HSD17B11: variants seen among roughly 807,000 people sequenced by gnomAD.
HSD17B11 encodes estradiol 17-beta-dehydrogenase 11.
In HSD17B11, 22 loss-of-function variants were observed where a neutral mutation model predicts 27.8. The observed-to-expected ratio is 0.79, with a 90% CI of 0.56 to 1.13. The LOEUF (loss-of-function observed/expected upper bound fraction) is 1.13. Among genes scored for constraint, HSD17B11 ranks in the 50% most tolerant of loss-of-function variants. The probability of loss-of-function intolerance (pLI) is 0.00; values close to 1 mark genes in which losing one functional copy is unlikely to be tolerated. For synonymous variants in HSD17B11, 117 were observed against 132.8 expected, an observed-to-expected ratio of 0.88 and a Z score of 0.82; for missense variants, 314 against 351.1, an observed-to-expected ratio of 0.89 and a Z score of 0.84.
chr4:87,341,392 G>A (rs1192623520), intron 5 of HSD17B11, among the ~76,000 whole-genome samples: 1 of 152,116 alleles, frequency 6.6e-6, no homozygotes, highest in East Asian at 1.9e-4. Flanking sequence ...GGCTGGTCTT[G>A]AACTCCTGGA....
chr4:87,337,329 T>C lies in HSD17B11; in HGVS notation c.850A>G (p.Lys284Glu). ...ACTGCATCAAACTTAACACTGATTT[T>C]TCGTTTTAAAACTGCCAGGAAACGC... ...PERFLAVLKRKISVKFDAVIG... is the reference protein window; with the variant it reads ...PERFLAVLKREISVKFDAVIG... The change falls in exon 7 of 7, where the codon AAA (lysine) becomes GAA (glutamate). Residue 284 changes from lysine (K) to glutamate (E), a missense_variant. Lys to Glu is a moderately conservative substitution (Grantham distance 56). Transcript: ENST00000358290. 5.6e-6 allele frequency: 9 copies of C among 1,605,270 alleles called. No homozygotes were observed. Among genetic ancestry groups the C allele is most frequent in the Non-Finnish European group, 7.7e-6 (9 of 1,173,252 alleles).
intron 5 of HSD17B11, among the ~76,000 whole-genome samples, chr4:87,355,149 A>G (rs1455799415): frequency 6.6e-6 from 1 of 152,052 alleles, no homozygotes; most frequent in Non-Finnish European, 1.5e-5. Context: ...TCATCATTAC[A>G]ATAAAATTGA....
intron 5 of HSD17B11, among the ~76,000 whole-genome samples, chr4:87,352,957 C>G (rs1735312974): frequency 1.0e-5 from 1 of 99,474 alleles, no homozygotes; most frequent in Admixed American, 1.0e-4. Context: ...CCAGGTGAGG[C>G]AATGCCTCGC....
In HSD17B11 at chr4:87,382,509, G is replaced by C; in HGVS notation, c.211-147C>G. The C allele has an allele frequency of 7.8e-6, 4 of 515,810 alleles. No homozygotes were observed. In the East Asian group the frequency reaches 1.2e-4, roughly 15 times the overall value. 32.0% of individuals were successfully genotyped at this position (515,810 alleles called of 1,614,324 possible). On this transcript the variant is annotated intron_variant, in intron 1 of 6. Coordinates refer to ENST00000358290, the MANE Select transcript of HSD17B11 (RefSeq NM_016245.5). ...GATTGTTAACAACACATTTTTGGCA[G>C]GTATATAGGCACATTTTGCTTTTAG...
At chr4:87,381,186 C>CAAAA (rs58998729) in intron 2 of HSD17B11, among the ~76,000 whole-genome samples, 3 of 114,298 alleles carry the variant, frequency 2.6e-5, no homozygotes, top group Non-Finnish European at 5.3e-5. Flanking sequence ...GACTCCATTT[C>CAAAA]AAAAAAAAAA....
chr4:87,366,759 A>G (rs956719364), intron 4 of HSD17B11, among the ~76,000 whole-genome samples: 1 of 152,182 alleles, frequency 6.6e-6, no homozygotes, highest in Non-Finnish European at 1.5e-5. Flanking sequence ...ATAATCAACT[A>G]TAGAATTCTA....
At chr4:87,357,450 A>G (rs747894761) in intron 4 of HSD17B11, 34 bp from the exon 5 acceptor site, 11 of 1,593,900 alleles carry the variant, frequency 6.9e-6, no homozygotes. Context: ...TAATTCAAGA[A>G]TTCTGAAATG....
In HSD17B11 at chr4:87,378,925, TATAA is replaced by T. The variant is rs1331313630; in HGVS notation, c.318+3326_318+3329del. ...ATATAAATATATATATATAAATATATATAAATATATATATATATATATTTATATA... is the reference window on the plus strand; with the variant it reads ...ATATAAATATATATATATAAATATATATATATATATATATATATTTATATA... On this transcript the variant is annotated intron_variant, in intron 2 of 6. Transcript: ENST00000358290. Among the ~76,000 whole-genome samples, 8 of 10,794 alleles carry T rather than the reference TATAA, an allele frequency of 7.4e-4. 1 individual carries two copies. In the South Asian group the frequency reaches 0.01, roughly 14 times the overall value. The allele number at this position is 10,794 out of a possible 152,430, so 7.1% of individuals were successfully genotyped here.
At chr4:87,379,569 C>G (rs1374385363) in intron 2 of HSD17B11, among the ~76,000 whole-genome samples, 1 of 145,112 alleles carries the variant, frequency 6.9e-6, no homozygotes, top group Non-Finnish European at 1.5e-5. Context: ...ACATATACAT[C>G]TCATATATAC....
chr4:87,354,480 A>G (rs1290783088), intron 5 of HSD17B11, among the ~76,000 whole-genome samples: 2 of 151,640 alleles, frequency 1.3e-5, no homozygotes, highest in Non-Finnish European at 2.9e-5. Flanking sequence ...TGTCTCTACA[A>G]AAAATTTAGA....
At chr4:87,379,861 T>G (rs1720085656) in intron 2 of HSD17B11, among the ~76,000 whole-genome samples, 2 of 126,500 alleles carry the variant, frequency 1.6e-5, no homozygotes, top group South Asian at 4.3e-4. Flanking sequence ...TATATGTATA[T>G]GTATTATACT....
rs187923067 is a variant in HSD17B11, at chr4:87,386,253, A to G, written c.211-3891T>C. 3.3e-3 allele frequency among the ~76,000 whole-genome samples: 491 copies of G among 150,286 alleles called. 3 individuals are homozygous for G. Among genetic ancestry groups the G allele is most frequent in the African/African-American group, 0.011 (454 of 40,646 alleles). On this transcript the variant is annotated intron_variant, in intron 1 of 6. Coordinates refer to ENST00000358290, the MANE Select transcript of HSD17B11 (RefSeq NM_016245.5). Reference sequence around the variant, plus strand: ...AGTCTCGCTCTGTCACCCAGCCTGGAGTGCAATGGTGCAATCTTAGCTCAC... The same window carrying G: ...AGTCTCGCTCTGTCACCCAGCCTGGGGTGCAATGGTGCAATCTTAGCTCAC...
At chr4:87,360,417 G>C (rs115944425) in intron 4 of HSD17B11, among the ~76,000 whole-genome samples, 144 of 152,312 alleles carry the variant, frequency 9.5e-4, no homozygotes, top group Middle Eastern at 6.8e-3. Context: ...AATGTTCAAG[G>C]ATAGTCCCTG....
chr4:87,390,048 C>T (rs991415275), intron 1 of HSD17B11, among the ~76,000 whole-genome samples: 1 of 152,176 alleles, frequency 6.6e-6, no homozygotes, highest in African/African-American at 2.4e-5. Flanking sequence ...CAGTCTCCAC[C>T]TCCCAGGCTC....
At chr4:87,366,217 A>G (rs1487832201) in intron 4 of HSD17B11, 1 of 152,180 alleles carries the variant, frequency 6.6e-6, no homozygotes, top group African/African-American at 2.4e-5. Context: ...TATTAGCTAA[A>G]GTTAAAGGGG....
intron 6 of HSD17B11, 48 bp downstream of exon 6, chr4:87,340,442 A>C: frequency 8.3e-7 from 1 of 1,200,968 alleles, no homozygotes; most frequent in South Asian, 1.4e-5. Context: ...TGCAATAGAT[A>C]ATTGTTATTT....
At chr4:87,342,071 A>C (rs1236564443) in intron 5 of HSD17B11, among the ~76,000 whole-genome samples, 1 of 152,044 alleles carries the variant, frequency 6.6e-6, no homozygotes, top group Non-Finnish European at 1.5e-5. Flanking sequence ...GCTTATTTTT[A>C]ATGTGTGTGT....
At chr4:87,372,869 C>G in intron 3 of HSD17B11, 54 bp from the exon 4 acceptor site, 2 of 1,061,470 alleles carry the variant, frequency 1.9e-6, no homozygotes, top group Non-Finnish European at 2.9e-6. Context: ...GACTCACAGA[C>G]CTATTGGGAA....
In HSD17B11 at chr4:87,382,295, T is replaced by G; in HGVS notation, c.278A>C (p.Asp93Ala). 7 of 1,614,048 alleles carry G rather than the reference T, an allele frequency of 4.3e-6. No homozygotes were observed. The highest frequency in any genetic ancestry group is 5.9e-6 in the Non-Finnish European group (7 of 1,179,876). The change falls in exon 2 of 7, where the codon GAC becomes GCC. Residue 93 changes from aspartate to alanine, a missense_variant. Coordinates refer to ENST00000358290, the MANE Select transcript of HSD17B11 (RefSeq NM_016245.5). ...LGAKVHTFVV[D>A]CSNREDIYSS... ...GTAAATATCTTCTCGGTTGCTGCAG[T>G]CTACCACAAAGGTATGAACCTTGGC...
Sources: gnomAD v4.1 joint callset for allele counts (sites outside exome capture counted in the v4.1 genomes callset) on GRCh38, gnomAD v4.1.1 for gene constraint, MANE v1.5 for transcripts, NCBI Gene and HGNC (gene_info 2026-07-23, HGNC 2026-07-21) for gene names.